ABHD12: variants seen among roughly 807,000 people sequenced by gnomAD.
ABHD12 encodes the protein abhydrolase domain containing 12, lysophospholipase.
In ABHD12, 43 loss-of-function variants were observed where a neutral mutation model predicts 58.3. The observed-to-expected ratio is 0.74, with a 90% confidence interval of 0.58 to 0.95. The LOEUF (loss-of-function observed/expected upper bound fraction) is 0.95. ABHD12 is among the 40% of genes least tolerant of loss of function. The probability of loss-of-function intolerance (pLI) is 0.00; values close to 1 mark genes in which losing one functional copy is unlikely to be tolerated. For synonymous variants in ABHD12, 219 were observed against 211.2 expected, an observed-to-expected ratio of 1.04 and a Z score of -0.32; for missense variants, 539 against 537.2, an observed-to-expected ratio of 1.00 and a Z score of -0.03.
intron 1 of ABHD12, among the ~76,000 whole-genome samples, chr20:25,370,649 A>G (rs2089888649): frequency 6.6e-6 from 1 of 152,042 alleles, no homozygotes; most frequent in South Asian, 2.1e-4. Flanking sequence ...TGCCACTTGG[A>G]TGGGTGTGCG....
intron 3 of ABHD12, among the ~76,000 whole-genome samples, chr20:25,321,035 G>A (rs988144512): frequency 2.6e-5 from 4 of 152,184 alleles, no homozygotes; most frequent in African/African-American, 9.7e-5. Flanking sequence ...CTGGATACCA[G>A]TGACAAGAAT....
At chr20:25,383,276 G>C (rs1422759115) in intron 1 of ABHD12, among the ~76,000 whole-genome samples, 1 of 152,198 alleles carries the variant, frequency 6.6e-6, no homozygotes, top group East Asian at 1.9e-4. Context: ...GGTAAAGGAA[G>C]AAATAGGTGT....
intron 1 of ABHD12, 44 bp from the exon 2 acceptor site, chr20:25,339,395 C>T (rs761492273): frequency 1.9e-6 from 3 of 1,613,438 alleles, no homozygotes; most frequent in Non-Finnish European, 1.7e-6. Flanking sequence ...CAGTAGGTGC[C>T]ATTTTGCTGT....
intron 2 of ABHD12, among the ~76,000 whole-genome samples, chr20:25,331,023 G>A (rs1213709783): frequency 2.0e-5 from 3 of 152,240 alleles, no homozygotes; most frequent in South Asian, 2.1e-4. Context: ...TCCAAGCTAC[G>A]GGAGGACATT....
chr20:25,321,181 T>C (rs1452223486), intron 3 of ABHD12, among the ~76,000 whole-genome samples: 1 of 152,236 alleles, frequency 6.6e-6, no homozygotes, highest in Admixed American at 6.5e-5. Flanking sequence ...ATCACTCCCA[T>C]ACAGTTATAA....
At chr20:25,322,341 A>C (rs1281414470) in intron 3 of ABHD12, among the ~76,000 whole-genome samples, 4 of 139,606 alleles carry the variant, frequency 2.9e-5, no homozygotes, top group African/African-American at 1.1e-4. Flanking sequence ...TTCAGTATCT[A>C]GATGTTCACC....
At chr20:25,352,261 G>A (rs552425519) in intron 1 of ABHD12, among the ~76,000 whole-genome samples, 5 of 151,098 alleles carry the variant, frequency 3.3e-5, no homozygotes, top group African/African-American at 9.7e-5. Flanking sequence ...CAAAGTGTTA[G>A]GATTACAGAC....
At chr20:25,384,512 A>G (rs1197243265) in intron 1 of ABHD12, among the ~76,000 whole-genome samples, 1 of 152,058 alleles carries the variant, frequency 6.6e-6, no homozygotes, top group Non-Finnish European at 1.5e-5. Context: ...TGGGAGGCTT[A>G]GGCGGGTGGA....
At chr20:25,296,444 C>CA, downstream of ABHD12, 4 of 1,614,064 alleles carry the variant, frequency 2.5e-6, no homozygotes, top group Non-Finnish European at 2.5e-6. Context: ...ACCGGACCAT[C>CA]ACGGAGTATG....
chr20:25,328,984 T>G (rs1600806666), intron 2 of ABHD12, among the ~76,000 whole-genome samples: 2 of 152,164 alleles, frequency 1.3e-5, no homozygotes, highest in African/African-American at 4.8e-5. Context: ...CAAAGTGAGA[T>G]GAGTGGTGAG....
intron 4 of ABHD12, among the ~76,000 whole-genome samples, chr20:25,318,069 C>G (rs1310386631): frequency 6.6e-6 from 1 of 152,218 alleles, no homozygotes; most frequent in Non-Finnish European, 1.5e-5. Context: ...GTAATCCCAG[C>G]ACTTTGGGAG....
chr20:25,299,405 C>CA (rs888131974), downstream of ABHD12, among the ~76,000 whole-genome samples: 5 of 151,392 alleles, frequency 3.3e-5, no homozygotes, highest in African/African-American at 9.7e-5. Flanking sequence ...CTCAAAAAAA[C>CA]AAAAAACCCA....
At chr20:25,363,779 C>T (rs1287773492) in intron 1 of ABHD12, among the ~76,000 whole-genome samples, 4 of 151,944 alleles carry the variant, frequency 2.6e-5, no homozygotes, top group Non-Finnish European at 5.9e-5. Flanking sequence ...GCAGCAGAAT[C>T]GCTTGAACCC....
chr20:25,321,557 C>T (rs773458927), intron 3 of ABHD12, among the ~76,000 whole-genome samples: 9 of 152,286 alleles, frequency 5.9e-5, no homozygotes, highest in Non-Finnish European at 7.3e-5. Context: ...CACCAACACA[C>T]AGCAACACAC....
chr20:25,380,850 C>T (rs932196898), intron 1 of ABHD12, among the ~76,000 whole-genome samples: 1 of 152,194 alleles, frequency 6.6e-6, no homozygotes, highest in African/African-American at 2.4e-5. Flanking sequence ...CCCCTATCCA[C>T]CTGGATGTTT....
intron 1 of ABHD12, among the ~76,000 whole-genome samples, chr20:25,356,892 T>C (rs150695574): frequency 1.3e-5 from 2 of 151,944 alleles, no homozygotes. Flanking sequence ...TCCCAGCACG[T>C]TGGGAGGCCA....
At chr20:25,365,446 G>C (rs6083818) in intron 1 of ABHD12, among the ~76,000 whole-genome samples, 1 of 151,854 alleles carries the variant, frequency 6.6e-6, no homozygotes, top group Non-Finnish European at 1.5e-5. Context: ...CTATTTTACA[G>C]CTCCTAACTG....
intron 1 of ABHD12, among the ~76,000 whole-genome samples, chr20:25,381,626 C>T (rs1600882465): frequency 1.4e-5 from 2 of 142,052 alleles, no homozygotes; most frequent in Non-Finnish European, 1.5e-5. Context: ...TCAGTACCCT[C>T]TTTTTTTTTT....
chr20:25,388,527 G>A (rs1350369657), intron 1 of ABHD12, among the ~76,000 whole-genome samples: 3 of 152,154 alleles, frequency 2.0e-5, no homozygotes, highest in Admixed American at 6.6e-5. Flanking sequence ...GCGAGGAAGA[G>A]AAGAAAGCTC....
Sources: gnomAD v4.1 joint callset for allele counts (sites outside exome capture counted in the v4.1 genomes callset) on GRCh38, gnomAD v4.1.1 for gene constraint, MANE v1.5 for transcripts, NCBI Gene and HGNC (gene_info 2026-07-23, HGNC 2026-07-21) for gene names.